Variants in PLEKHA8 observed in about 807,000 individuals in gnomAD.
The protein encoded by PLEKHA8 is pleckstrin homology domain-containing family A member 8.
PLEKHA8 carries 36 observed loss-of-function variants against 68.2 expected under a neutral mutation model. That is an observed-to-expected ratio of 0.53 (90% CI 0.40 to 0.70). The LOEUF is 0.70. Among genes scored for constraint, PLEKHA8 ranks in the 30% least tolerant of loss-of-function variants. The probability of loss-of-function intolerance (pLI) is 0.00; values close to 1 mark genes in which losing one functional copy is unlikely to be tolerated. For missense variants in PLEKHA8, 505 were observed against 615.4 expected (o/e 0.82, Z 1.90); for synonymous variants, 211 against 216.1 (o/e 0.98, Z 0.20).
rs1043135924 is a variant in PLEKHA8 at position 30,079,710 on chromosome 7, C to T, written c.*923C>T. 2.1e-6 allele frequency: 1 copy of T among 473,968 alleles called. No individual in the cohort carries two copies. Among genetic ancestry groups the T allele is most frequent in the African/African-American group, 2.1e-5 (1 of 47,160 alleles). The allele number at this position is 473,968 out of a possible 1,614,324, so 29.4% of individuals were successfully genotyped here. A position where few individuals can be genotyped will look rare whatever the true frequency, so the allele number is the denominator to read the frequency against. On this transcript the variant is annotated 3_prime_UTR_variant, in exon 14 of 14. Transcript: ENST00000449726. ...CTCTGCATCAAAGTCATATGGAGTG[C>T]TTGTTCAAACAGCAGATTCCCAGGC...
chr7:30,059,265 T>C (rs1793241603), intron 9 of PLEKHA8, among the ~76,000 whole-genome samples: 1 of 152,248 alleles, frequency 6.6e-6, no homozygotes, highest in African/African-American at 2.4e-5. Flanking sequence ...TTTAGAATTT[T>C]ATTTTTTTAT....
chr7:30,107,680 G>T (rs73077991), intron 13 of PLEKHA8, among the ~76,000 whole-genome samples: 3,214 of 152,198 alleles, frequency 0.021, 47 homozygotes, highest in Non-Finnish European at 0.032. Context: ...TTTGCTATAG[G>T]TTCTTTGGTA....
intron 13 of PLEKHA8, among the ~76,000 whole-genome samples, chr7:30,103,134 G>T (rs887587055): frequency 1.3e-5 from 2 of 152,150 alleles, no homozygotes. Context: ...GGGAATTATC[G>T]TATAATGTTT....
chr7:30,078,799 C>A lies in PLEKHA8; in HGVS notation c.*12C>A, dbSNP rs1223746690. ...ATGAGGTGGTATGATGGCTGCTGGG[C>A]AGCACCTCCTAACTTCAGGGAATAA... On this transcript the variant is annotated 3_prime_UTR_variant, in exon 14 of 14. Coordinates refer to ENST00000449726, the MANE Select transcript of PLEKHA8 (RefSeq NM_001197026.2). 6 of 1,610,880 alleles carry A rather than the reference C, an allele frequency of 3.7e-6. No individual in the cohort carries two copies. In the South Asian group the frequency reaches 4.4e-5, roughly 12 times the overall value.
chr7:30,112,727 G>GCCCAT (rs1436264163), intron 13 of PLEKHA8, among the ~76,000 whole-genome samples: 24 of 145,404 alleles, frequency 1.7e-4, no homozygotes, highest in African/African-American at 5.9e-4. Flanking sequence ...AAAAAAAAAA[G>GCCCAT]CCCATCTCTA....
At chr7:30,037,004 C>A (rs982640182) in intron 1 of PLEKHA8, among the ~76,000 whole-genome samples, 1 of 152,182 alleles carries the variant, frequency 6.6e-6, no homozygotes, top group East Asian at 1.9e-4. Flanking sequence ...TGGAACTCCC[C>A]TAGAGAAGCT....
chr7:30,115,733 T>TATACATGTATACATACGTGCAC (rs1796445932), intron 13 of PLEKHA8: 1 of 112,902 alleles, frequency 8.9e-6, no homozygotes. Context: ...TGCATACACG[T>TATACATGTATACATACGTGCAC]ATACATGTAT....
rs368054417 is a variant in PLEKHA8 at position 30,061,981 on chromosome 7, G to A, written c.1183G>A (p.Ala395Thr). Reference sequence around the variant, plus strand: ...GCTGCACGAAGTGGAGGCGGATGTAGCCCAGGTTAGGAACTCAGCGACTGA... The same window carrying A: ...GCTGCACGAAGTGGAGGCGGATGTAACCCAGGTTAGGAACTCAGCGACTGA... ...IVLHEVEADV[A>T]QVRNSATEAL... Residue 395 changes from alanine (A) to threonine (T), a missense_variant, in exon 11 of 14, where the codon GCC becomes ACC. Physicochemically the swap from Ala to Thr is moderately conservative, Grantham distance 58 (BLOSUM62 0). Coordinates refer to ENST00000449726, the MANE Select transcript of PLEKHA8 (RefSeq NM_001197026.2). 35 of 1,613,924 alleles carry A rather than the reference G, an allele frequency of 2.2e-5. No homozygotes were observed. The highest frequency in any genetic ancestry group is 2.8e-5 in the Non-Finnish European group (33 of 1,179,980).
intron 1 of PLEKHA8, among the ~76,000 whole-genome samples, chr7:30,035,408 G>A (rs1229796611): frequency 6.6e-6 from 1 of 152,164 alleles, no homozygotes; most frequent in African/African-American, 2.4e-5. Context: ...CACTTTAAGG[G>A]TAGGTTAATT....
intron 1 of PLEKHA8, among the ~76,000 whole-genome samples, chr7:30,034,304 C>T (rs929224400): frequency 3.3e-5 from 5 of 151,964 alleles, no homozygotes; most frequent in Non-Finnish European, 5.9e-5. Context: ...CCACTGTGCC[C>T]GGCCAAGAGT....
At chr7:30,044,715 T>C (rs1201555396) in intron 1 of PLEKHA8, among the ~76,000 whole-genome samples, 1 of 152,322 alleles carries the variant, frequency 6.6e-6, no homozygotes, top group Non-Finnish European at 1.5e-5. Context: ...ACATCCTAAT[T>C]ATTCGTCTTA....
chr7:30,113,674 G>A (rs1030525354), intron 13 of PLEKHA8, among the ~76,000 whole-genome samples: 3 of 151,930 alleles, frequency 2.0e-5, no homozygotes, highest in Non-Finnish European at 4.4e-5. Context: ...CCCTATTACT[G>A]TTTCTGGAAT....
chr7:30,045,535 A>G (rs554044662), intron 2 of PLEKHA8, among the ~76,000 whole-genome samples: 2 of 152,362 alleles, frequency 1.3e-5, no homozygotes, highest in South Asian at 4.1e-4. Flanking sequence ...TTGTGTTTAA[A>G]TCAGGATGGA....
In PLEKHA8 at chr7:30,075,518, G is replaced by A. The variant is rs146857064; in HGVS notation, c.1362+1386G>A. On this transcript the variant is annotated intron_variant, in intron 13 of 13. Coordinates refer to ENST00000449726, the MANE Select transcript of PLEKHA8 (RefSeq NM_001197026.2). Reference sequence around the variant, plus strand: ...AGAGTGAGGCTATGTCAGAGCCCAGGTCTAAACTCAGATCTGTTATCTCCA... The same window carrying A: ...AGAGTGAGGCTATGTCAGAGCCCAGATCTAAACTCAGATCTGTTATCTCCA... Among the ~76,000 whole-genome samples, 28 of 152,282 alleles carry A rather than the reference G, an allele frequency of 1.8e-4. No homozygotes were observed. The East Asian group carries it at 5.4e-3, about 29-fold the overall frequency.
At chr7:30,029,326 C>T (rs1790472079) in intron 1 of PLEKHA8, among the ~76,000 whole-genome samples, 1 of 152,220 alleles carries the variant, frequency 6.6e-6, no homozygotes, top group African/African-American at 2.4e-5. Context: ...AGAGTCCCAA[C>T]TCCACAGTTT....
Position 30,080,757 on chromosome 7 carries a change from A to G in PLEKHA8, c.*1970A>G, listed in dbSNP as rs1794889622. On this transcript the variant is annotated 3_prime_UTR_variant, in exon 14 of 14. Coordinates refer to ENST00000449726, the MANE Select transcript of PLEKHA8 (RefSeq NM_001197026.2). ...CCTCCCACTCTCATGAGCAGTGAGT[A>G]TAGATCTCCTTCTCTGATTAGTATG... 3.0e-6 allele frequency: 3 copies of G among 985,266 alleles called. No homozygotes were observed. Among genetic ancestry groups the G allele is most frequent in the Non-Finnish European group, 3.6e-6 (3 of 829,884 alleles). The allele number at this position is 985,266 out of a possible 1,614,324, so 61.0% of individuals were successfully genotyped here.
intron 13 of PLEKHA8, chr7:30,115,990 A>ATACG (rs1562558671): frequency 1.5e-5 from 2 of 135,700 alleles, no homozygotes; most frequent in African/African-American, 5.5e-5. Flanking sequence ...GCATGTATGC[A>ATACG]TACGCATACA....
intron 13 of PLEKHA8, among the ~76,000 whole-genome samples, chr7:30,118,902 A>G (rs886333835): frequency 4.6e-5 from 7 of 152,236 alleles, no homozygotes; most frequent in Non-Finnish European, 8.8e-5. Flanking sequence ...TACGTGACAC[A>G]GTTTTAGCCA....
At chr7:30,049,995 A>G (rs948455878) in intron 5 of PLEKHA8, among the ~76,000 whole-genome samples, 3 of 152,288 alleles carry the variant, frequency 2.0e-5, no homozygotes, top group East Asian at 3.9e-4. Flanking sequence ...TCTCTTATAC[A>G]TATTCCTATT....
Sources: allele counts gnomAD v4.1 joint callset (sites outside exome capture counted in the v4.1 genomes callset), GRCh38; gene constraint gnomAD v4.1.1; transcripts MANE v1.5; gene names NCBI Gene and HGNC (gene_info 2026-07-23, HGNC 2026-07-21).